PTPRN2: variants seen among roughly 807,000 people sequenced by gnomAD.
PTPRN2 encodes the protein receptor-type tyrosine-protein phosphatase N2.
A neutral mutation model predicts 118.8 loss-of-function variants in PTPRN2; 74 were observed. The observed-to-expected ratio is 0.62, with a 90% CI of 0.52 to 0.76. PTPRN2 has a LOEUF of 0.76. PTPRN2 is among the 30% of genes least tolerant of loss of function. PTPRN2 has a pLI of 0.00. For synonymous variants in PTPRN2, 641 were observed against 608.0 expected (o/e 1.05, Z -0.80); for missense variants, 1,481 against 1,394.4 (o/e 1.06, Z -0.99).
rs995343533 is a variant in PTPRN2, at chr7:157,868,067, C to A, written c.1788+30606G>T. ...ACCTGAGTCCTCTAGGAACCCAGCC[C>A]GCATCCTGGGCAAGAGGCCCACATG... On this transcript the variant is annotated intron_variant, in intron 12 of 22. Coordinates refer to ENST00000389418, the MANE Select transcript of PTPRN2 (RefSeq NM_002847.5). This position sits in a 1 kb window ranked among gnomAD's most constrained non-coding sequence, Gnocchi z 5.2. 6.6e-6 allele frequency among the ~76,000 whole-genome samples: 1 copy of A among 152,214 alleles called. No homozygotes were observed. The highest frequency in any genetic ancestry group is 1.5e-5 in the Non-Finnish European group (1 of 68,026).
At chr7:158,479,329 G>A (rs1820492784) in intron 2 of PTPRN2, among the ~76,000 whole-genome samples, 1 of 152,060 alleles carries the variant, frequency 6.6e-6, no homozygotes, top group South Asian at 2.1e-4. Context: ...CCCGAATGGT[G>A]ACCCACTCGC....
At chr7:158,066,635 C>T (rs368365594) in intron 11 of PTPRN2, among the ~76,000 whole-genome samples, 4 of 152,256 alleles carry the variant, frequency 2.6e-5, no homozygotes, top group South Asian at 4.1e-4. Context: ...ACGCTAAGAT[C>T]GGCTTTAGAA....
At chr7:157,931,611 G>A (rs1799361113) in intron 11 of PTPRN2, among the ~76,000 whole-genome samples, 1 of 152,188 alleles carries the variant, frequency 6.6e-6, no homozygotes, top group African/African-American at 2.4e-5. Flanking sequence ...GGGCTTCAGA[G>A]GCATCTCAGT....
At chr7:158,469,120 T>TATGCACACCTATGCACATTCCAG (rs1563330323) in intron 2 of PTPRN2, among the ~76,000 whole-genome samples, 2 of 152,056 alleles carry the variant, frequency 1.3e-5, no homozygotes, top group South Asian at 2.1e-4. Context: ...GGATCAACAG[T>TATGCACACCTATGCACATTCCAG]GTCAGGCTTT....
intron 17 of PTPRN2, among the ~76,000 whole-genome samples, chr7:157,593,268 G>A (rs1036212687): frequency 1.2e-4 from 18 of 149,706 alleles, no homozygotes; most frequent in African/African-American, 3.2e-4. Context: ...CGTGGACACC[G>A]AGAGCCTTCA....
At chr7:158,337,364 C>CACACCCACACTCTCACCATA (rs1805832198) in intron 2 of PTPRN2, among the ~76,000 whole-genome samples, 1 of 90,928 alleles carries the variant, frequency 1.1e-5, no homozygotes, top group Non-Finnish European at 2.5e-5. Context: ...AGACGTCCCT[C>CACACCCACACTCTCACCATA]ACACCCACAC....
chr7:158,083,526 G>T (rs1286677531), intron 10 of PTPRN2, among the ~76,000 whole-genome samples: 1 of 152,212 alleles, frequency 6.6e-6, no homozygotes, highest in Non-Finnish European at 1.5e-5. Context: ...GCTGTGAGGA[G>T]GTTCTTGGTT....
intron 12 of PTPRN2, among the ~76,000 whole-genome samples, chr7:157,748,446 G>C (rs1801175408): frequency 6.6e-6 from 1 of 150,620 alleles, no homozygotes. Context: ...GTGTCCCTGA[G>C]CTGTGGGGTG....
rs1449409514 is a variant in PTPRN2 at position 157,990,976 on chromosome 7, T to C, written c.1723+90322A>G. 1.3e-5 allele frequency among the ~76,000 whole-genome samples: 2 copies of C among 152,128 alleles called. No individual in the cohort carries two copies. Among genetic ancestry groups the C allele is most frequent in the Admixed American group, 1.3e-4 (2 of 15,276 alleles). ...AGAGTCCAGCGAACTTCCCTGGCCC[T>C]GGCCAGAGTCCACGTCTGACTCTGA... On this transcript the variant is annotated intron_variant, in intron 11 of 22. Transcript: ENST00000389418. The surrounding 1 kb of genome is among the most constrained non-coding windows in gnomAD (Gnocchi z 4.3).
intron 1 of PTPRN2, among the ~76,000 whole-genome samples, chr7:158,515,124 G>A (rs767923017): frequency 6.6e-6 from 1 of 152,116 alleles, no homozygotes; most frequent in Non-Finnish European, 1.5e-5. Context: ...GGAGAGAAAG[G>A]GGCAGCCCCG....
chr7:157,904,725 G>A (rs1473726985), intron 11 of PTPRN2, among the ~76,000 whole-genome samples: 1 of 152,248 alleles, frequency 6.6e-6, no homozygotes, highest in Admixed American at 6.5e-5. Flanking sequence ...GTCCTTGCTA[G>A]TTCACTTTCT....
intron 2 of PTPRN2, among the ~76,000 whole-genome samples, chr7:158,373,994 G>T (rs572085643): frequency 6.6e-6 from 1 of 152,258 alleles, no homozygotes; most frequent in Admixed American, 6.5e-5. Flanking sequence ...GCTGGGCCCT[G>T]AGGGAAACGG....
At chr7:158,070,292 G>C (rs1428192548) in intron 11 of PTPRN2, among the ~76,000 whole-genome samples, 3 of 143,698 alleles carry the variant, frequency 2.1e-5, no homozygotes, top group African/African-American at 8.9e-5. Context: ...AGGTGCTCGT[G>C]GTGGTGGAGG....
intron 12 of PTPRN2, among the ~76,000 whole-genome samples, chr7:157,759,784 G>GTTCT (rs958387132): frequency 6.6e-6 from 1 of 152,228 alleles, no homozygotes; most frequent in Non-Finnish European, 1.5e-5. Context: ...TATAATGGAA[G>GTTCT]TTCTTTGTGT....
rs559794586 is a variant in PTPRN2, at chr7:157,850,345, C to T, written c.1788+48328G>A. ...TTCCGACGTGGGTGCCTCAGGCTCG[C>T]GTAAGGGATCCCAGGTCTCCGAATT... On this transcript the variant is annotated intron_variant, in intron 12 of 22. Transcript: ENST00000389418. Among the ~76,000 whole-genome samples, 4 of 144,590 alleles carry T rather than the reference C, an allele frequency of 2.8e-5. No homozygotes were observed. The East Asian group carries it at 6.3e-4, about 23-fold the overall frequency. The allele number at this position is 144,590 out of a possible 152,430, so 94.9% of individuals were successfully genotyped here.
intron 12 of PTPRN2, among the ~76,000 whole-genome samples, chr7:157,826,573 A>C (rs558557096): frequency 2.0e-4 from 30 of 149,504 alleles, no homozygotes; most frequent in African/African-American, 7.5e-4. Flanking sequence ...TGGCAGCACG[A>C]ACACGATCGT....
chr7:157,957,988 C>T (rs1277446597), intron 11 of PTPRN2, among the ~76,000 whole-genome samples: 1 of 152,114 alleles, frequency 6.6e-6, no homozygotes, highest in Non-Finnish European at 1.5e-5. Flanking sequence ...AAAAAATCTT[C>T]GACAAAATAC....
intron 12 of PTPRN2, among the ~76,000 whole-genome samples, chr7:157,842,410 CTTTTTTTTTT>C (rs11316558): frequency 3.6e-4 from 34 of 93,284 alleles, no homozygotes; most frequent in African/African-American, 1.2e-3. Flanking sequence ...ATTCAGGAGA[CTTTTTTTTTT>C]TTTTTTTTTT....
chr7:157,933,547 A>G (rs566736927), intron 11 of PTPRN2, among the ~76,000 whole-genome samples: 5 of 141,506 alleles, frequency 3.5e-5, no homozygotes, highest in Non-Finnish European at 4.6e-5. Flanking sequence ...TTTTAGAGGA[A>G]GGGTGAGTCA....
Sources: gnomAD v4.1 joint callset for allele counts (sites outside exome capture counted in the v4.1 genomes callset) on GRCh38, gnomAD v4.1.1 for gene constraint, Gnocchi (gnomAD v3.1) non-coding constraint, MANE v1.5 for transcripts, NCBI Gene and HGNC (gene_info 2026-07-23, HGNC 2026-07-21) for gene names.